TTC12: variants seen among roughly 807,000 people sequenced by gnomAD.
TTC12 encodes the protein tetratricopeptide repeat protein 12.
TTC12 carries 70 observed loss-of-function variants against 90.1 expected under a neutral mutation model. The observed-to-expected ratio is 0.78, with a 90% CI of 0.64 to 0.95. TTC12 has a LOEUF of 0.95. Ranked by LOEUF, TTC12 falls within the 40% of genes least tolerant of loss-of-function variation. The pLI is 0.00. For missense variants in TTC12, 819 were observed against 846.1 expected (o/e 0.97, Z 0.40); for synonymous variants, 296 against 311.5 (o/e 0.95, Z 0.53).
intron 8 of TTC12, among the ~76,000 whole-genome samples, 190 bp downstream of exon 8, chr11:113,335,227 T>G (rs1357348903): frequency 6.6e-6 from 1 of 152,180 alleles, no homozygotes; most frequent in African/African-American, 2.4e-5. Flanking sequence ...CCACCAGCTG[T>G]AGGACTCTCT....
At chr11:113,331,636 A>G (rs997066802) in intron 7 of TTC12, among the ~76,000 whole-genome samples, 1 of 152,258 alleles carries the variant, frequency 6.6e-6, no homozygotes, top group African/African-American at 2.4e-5. Context: ...TCACAGGTTC[A>G]CCAAGAGTAT....
At chr11:113,328,039 TGTAA>T (rs1424003102) in intron 6 of TTC12, among the ~76,000 whole-genome samples, 1 of 152,214 alleles carries the variant, frequency 6.6e-6, no homozygotes, top group Non-Finnish European at 1.5e-5. Flanking sequence ...GGCTTGTCCA[TGTAA>T]GTATCTCATG....
chr11:113,367,890 C>T (rs1950265247), downstream of TTC12, among the ~76,000 whole-genome samples: 1 of 152,240 alleles, frequency 6.6e-6, no homozygotes, highest in Non-Finnish European at 1.5e-5. Flanking sequence ...TGCAAACAAA[C>T]ACCCTTCAAG....
chr11:113,316,677 C>T (rs187665465), intron 2 of TTC12, among the ~76,000 whole-genome samples: 133 of 152,302 alleles, frequency 8.7e-4, no homozygotes, highest in African/African-American at 3.1e-3. Flanking sequence ...AGATTCCTCC[C>T]GTTTTAGAGT....
chr11:113,349,815 C>T lies in TTC12; in HGVS notation c.1155-258C>T, dbSNP rs530820544. Among the ~76,000 whole-genome samples, 245 of 152,256 alleles carry T rather than the reference C, an allele frequency of 1.6e-3. 2 individuals carry two copies. Among genetic ancestry groups the T allele is most frequent in the Non-Finnish European group, 2.8e-3 (192 of 68,022 alleles). On this transcript the variant is annotated intron_variant, in intron 13 of 21. Coordinates refer to ENST00000529221, the MANE Select transcript of TTC12 (RefSeq NM_017868.4). ...GTCACAGAAACTCCTTCTGAGCTGG[C>T]GTCCGATAATCAATAAACTTTGGTT...
chr11:113,322,320 A>G (rs1254797763), intron 2 of TTC12, among the ~76,000 whole-genome samples: 2 of 152,066 alleles, frequency 1.3e-5, no homozygotes, highest in African/African-American at 4.8e-5. Flanking sequence ...GCGCAATAGG[A>G]TTATTAATTG....
At chr11:113,353,335 T>C (rs138560971) in intron 16 of TTC12, among the ~76,000 whole-genome samples, 2 of 152,334 alleles carry the variant, frequency 1.3e-5, no homozygotes, top group African/African-American at 4.8e-5. Flanking sequence ...TCTTGTAAAT[T>C]TTTTTAAGTT....
chr11:113,324,584 C>G (rs782248424), intron 4 of TTC12, 21 bp from the exon 5 acceptor site: 1 of 1,603,060 alleles, frequency 6.2e-7, no homozygotes, highest in Admixed American at 1.7e-5. Context: ...TTTTTAATAT[C>G]TGAAATTACC....
At chr11:113,326,455 C>T (rs1947700919) in intron 6 of TTC12, among the ~76,000 whole-genome samples, 1 of 152,126 alleles carries the variant, frequency 6.6e-6, no homozygotes, top group Non-Finnish European at 1.5e-5. Flanking sequence ...GGACTTGATG[C>T]CCTGTCATTT....
rs368305132 is a variant in TTC12 at position 113,340,657 on chromosome 11, G to C, written c.827-7G>C. On this transcript the variant is annotated splice_region_variant and splice_polypyrimidine_tract_variant and intron_variant, in intron 10 of 21. Coordinates refer to ENST00000529221, the MANE Select transcript of TTC12 (RefSeq NM_017868.4). ...GTCTGAAGTGGTTTTCTTTGTATCT[G>C]TTTCAGGCACAGAACAAACTTTATT... 9.9e-6 allele frequency: 16 copies of C among 1,613,414 alleles called. No individual in the cohort carries two copies. The highest frequency in any genetic ancestry group is 1.4e-5 in the Non-Finnish European group (16 of 1,179,448).
In TTC12 at chr11:113,329,725, G is replaced by C. The variant is rs192672470; in HGVS notation, c.445-195G>C. 5.1e-4 allele frequency: 333 copies of C among 652,108 alleles called. 2 individuals are homozygous for C. In the East Asian group the frequency reaches 1.0e-2, roughly 20 times the overall value. The allele number at this position is 652,108 out of a possible 1,614,324, so 40.4% of individuals were successfully genotyped here. The stretch of plus-strand genomic sequence containing the variant: ...GTTCCCTAAGCCCTGCCTTCACCGT[G>C]GAAGAGGTCCCTGTATTCAACTCTC... On this transcript the variant is annotated intron_variant, in intron 6 of 21. Transcript: ENST00000529221.
At chr11:113,339,232 G>A in intron 9 of TTC12, 54 bp from the exon 10 acceptor site, 1 of 1,459,216 alleles carries the variant, frequency 6.9e-7, no homozygotes, top group Non-Finnish European at 9.3e-7. Context: ...TGCTTCTTGT[G>A]TGGTATTGTT....
intron 7 of TTC12, among the ~76,000 whole-genome samples, chr11:113,331,074 C>T (rs998460837): frequency 2.0e-5 from 3 of 152,172 alleles, no homozygotes; most frequent in Non-Finnish European, 4.4e-5. Flanking sequence ...AAAGTCACCT[C>T]TGCTTATAAT....
intron 16 of TTC12, among the ~76,000 whole-genome samples, chr11:113,353,231 CT>C (rs1456928366): frequency 2.0e-5 from 3 of 152,116 alleles, no homozygotes; most frequent in African/African-American, 2.4e-5. Flanking sequence ...TGATATTGAG[CT>C]TTTTTTCATG....
At chr11:113,343,215 A>C (rs1365585188) in intron 12 of TTC12, among the ~76,000 whole-genome samples, 1 of 152,154 alleles carries the variant, frequency 6.6e-6, no homozygotes, top group Non-Finnish European at 1.5e-5. Flanking sequence ...CACATTATTT[A>C]TATGAGGGGT....
intron 2 of TTC12, among the ~76,000 whole-genome samples, chr11:113,316,606 C>G (rs1019968238): frequency 2.6e-5 from 4 of 152,210 alleles, no homozygotes; most frequent in Non-Finnish European, 4.4e-5. Flanking sequence ...GCTGCTGTTT[C>G]CCCATTGACA....
In TTC12 at chr11:113,352,161, A is replaced by G; in HGVS notation, c.1400A>G (p.His467Arg). The change falls in exon 16 of 22, where the codon CAC becomes CGC. Residue 467 changes from histidine to arginine, a missense_variant. By Grantham distance (29) the His-to-Arg change is conservative. Coordinates refer to ENST00000529221, the MANE Select transcript of TTC12 (RefSeq NM_017868.4). ...NLSAEPTTRR[H>R]MAACEEFGDG... ...AGTGCTGAGCCCACTACCCGAAGAC[A>G]CATGGCGGCCTGTGAGGAATTTGGG... 6.2e-7 allele frequency: 1 copy of G among 1,614,238 alleles called. No individual in the cohort carries two copies. The highest frequency in any genetic ancestry group is 8.5e-7 in the Non-Finnish European group (1 of 1,180,016).
At chr11:113,360,454 G>T (rs17115399) in intron 18 of TTC12, among the ~76,000 whole-genome samples, 2,390 of 151,818 alleles carry the variant, frequency 0.016, 69 homozygotes, top group African/African-American at 0.055. Flanking sequence ...TGATCCTAGA[G>T]GTTGTTTGTG....
Position 113,350,152 on chromosome 11 carries a change from G to T in TTC12, c.1234G>T (p.Ala412Ser). 1 of 1,611,696 alleles carries T rather than the reference G, an allele frequency of 6.2e-7. No individual in the cohort carries two copies. Among genetic ancestry groups the T allele is most frequent in the South Asian group, 1.1e-5 (1 of 90,790 alleles). ...TGCTATGGGACTGTTCACAGACTTG[G>T]CTCTGGAAGAAAGGTAATTTTTTTA... ...NTAMGLFTDL[A>S]LEERFQVWFQ... Residue 412 changes from alanine to serine, a missense_variant, in exon 14 of 22, where the codon GCT (alanine) becomes TCT (serine). Coordinates refer to ENST00000529221, the MANE Select transcript of TTC12 (RefSeq NM_017868.4).
Sources: gnomAD v4.1 joint callset for allele counts (sites outside exome capture counted in the v4.1 genomes callset) on GRCh38, gnomAD v4.1.1 for gene constraint, MANE v1.5 for transcripts, NCBI Gene and HGNC (gene_info 2026-07-23, HGNC 2026-07-21) for gene names.